CCDC175: variants seen among roughly 807,000 people sequenced by gnomAD.
The protein encoded by CCDC175 is coiled-coil domain containing 175.
A neutral mutation model predicts 114.6 loss-of-function variants in CCDC175; 100 were observed. The observed-to-expected ratio is 0.87, with a 90% CI of 0.74 to 1.03. CCDC175 has a LOEUF of 1.03. Ranked by LOEUF, CCDC175 falls within the 50% of genes least tolerant of loss-of-function variation. CCDC175 has a pLI of 0.00. For synonymous variants in CCDC175, 306 were observed against 308.7 expected, an observed-to-expected ratio of 0.99 and a Z score of 0.09; for missense variants, 880 against 917.8, an observed-to-expected ratio of 0.96 and a Z score of 0.53.
intron 19 of CCDC175, among the ~76,000 whole-genome samples, chr14:59,507,734 G>A (rs1015830211): frequency 1.3e-5 from 2 of 152,180 alleles, no homozygotes; most frequent in African/African-American, 4.8e-5. Context: ...CCTAATATGG[G>A]TCTGGTGTTT....
At chr14:59,515,558 A>G (rs1425514647) in intron 17 of CCDC175, among the ~76,000 whole-genome samples, 1 of 152,208 alleles carries the variant, frequency 6.6e-6, no homozygotes, top group Non-Finnish European at 1.5e-5. Context: ...CAAAGATCAA[A>G]AGAGACAAAG....
chr14:59,510,055 C>T (rs1892656656), intron 19 of CCDC175, among the ~76,000 whole-genome samples: 1 of 152,138 alleles, frequency 6.6e-6, no homozygotes, highest in Non-Finnish European at 1.5e-5. Flanking sequence ...CTGGGCTGTA[C>T]CTGTGCAAGG....
At position 59,572,904 on chromosome 14, in the gene CCDC175, T is replaced by A. The variant is rs1035657361; in HGVS notation, c.244-91A>T. ...AATGCCCTACAAATGTTTTCAGGGG[T>A]CAAAATATAATTTCACTAAATATCT... On this transcript the variant is annotated intron_variant, in intron 2 of 19. Transcript: ENST00000537690. 10 of 663,622 alleles carry A rather than the reference T, an allele frequency of 1.5e-5. No individual in the cohort carries two copies. The African/African-American group carries it at 1.9e-4, about 12-fold the overall frequency. 41.1% of individuals were successfully genotyped at this position (663,622 alleles called of 1,614,324 possible).
rs910218887 is a variant in CCDC175, at chr14:59,573,894, C to A, written c.243+1049G>T. 5.3e-5 allele frequency among the ~76,000 whole-genome samples: 8 copies of A among 152,244 alleles called. No homozygotes were observed. The East Asian group carries it at 1.5e-3, about 29-fold the overall frequency. On this transcript the variant is annotated intron_variant, in intron 2 of 19. Coordinates refer to ENST00000537690, the MANE Select transcript of CCDC175 (RefSeq NM_001164399.2). ...CCTCCCGGAGTGCTGGGATTACAGG[C>A]GTGAGCCACCATACCCAGCCTGATC...
intron 17 of CCDC175, among the ~76,000 whole-genome samples, chr14:59,515,258 C>T (rs9671557): frequency 0.012 from 1,902 of 152,280 alleles, 42 homozygotes; most frequent in African/African-American, 0.044. Flanking sequence ...ACTGCATCCA[C>T]TAACAAGCAA....
At chr14:59,567,319 C>G (rs1196614346) in intron 4 of CCDC175, among the ~76,000 whole-genome samples, 3 of 152,178 alleles carry the variant, frequency 2.0e-5, no homozygotes, top group African/African-American at 7.2e-5. Context: ...TGGAGCATCT[C>G]CCAGCACAGG....
chr14:59,517,636 G>A lies in CCDC175; in HGVS notation c.2098+3938C>T, dbSNP rs555303933. On this transcript the variant is annotated intron_variant, in intron 17 of 19. Coordinates refer to ENST00000537690, the MANE Select transcript of CCDC175 (RefSeq NM_001164399.2). ...AAGAGATGTGAAGGACCTCTTCAAGGAGAACTACAAACCACTGCTCAACGA... is the reference window on the plus strand; with the variant it reads ...AAGAGATGTGAAGGACCTCTTCAAGAAGAACTACAAACCACTGCTCAACGA... 2.1e-3 allele frequency among the ~76,000 whole-genome samples: 319 copies of A among 152,226 alleles called. 1 individual carries two copies. Among genetic ancestry groups the A allele is most frequent in the African/African-American group, 6.9e-3 (286 of 41,538 alleles).
chr14:59,552,536 C>T (rs954216852), intron 7 of CCDC175, among the ~76,000 whole-genome samples: 11 of 152,140 alleles, frequency 7.2e-5, no homozygotes, highest in Non-Finnish European at 1.5e-4. Flanking sequence ...AGCAGAAAAG[C>T]TGAAAATTCT....
At position 59,554,111 on chromosome 14, in the gene CCDC175, C is replaced by A. The variant is rs564918213; in HGVS notation, c.954-2675G>T. Among the ~76,000 whole-genome samples, 722 of 152,188 alleles carry A rather than the reference C, an allele frequency of 4.7e-3. 2 individuals are homozygous for A. Among genetic ancestry groups the A allele is most frequent in the African/African-American group, 0.016 (679 of 41,488 alleles). ...AATTGAACTCAGCTCTGCACCAAGCCAACCTAATAGACATCTACAGAACTC... is the reference window on the plus strand; with the variant it reads ...AATTGAACTCAGCTCTGCACCAAGCAAACCTAATAGACATCTACAGAACTC... On this transcript the variant is annotated intron_variant, in intron 7 of 19. Coordinates refer to ENST00000537690, the MANE Select transcript of CCDC175 (RefSeq NM_001164399.2).
chr14:59,519,706 A>C (rs528823337), intron 17 of CCDC175, among the ~76,000 whole-genome samples: 1 of 152,318 alleles, frequency 6.6e-6, no homozygotes, highest in East Asian at 1.9e-4. Context: ...TTTCCCTGAC[A>C]TGATGCTGAC....
chr14:59,545,149 G>C lies in CCDC175; in HGVS notation c.1172+14C>G, dbSNP rs182930556. 184 of 1,532,662 alleles carry C rather than the reference G, an allele frequency of 1.2e-4. No homozygotes were observed. In the East Asian group the frequency reaches 4.5e-3, roughly 37 times the overall value. 94.9% of individuals were successfully genotyped at this position (1,532,662 alleles called of 1,614,324 possible). A position where few individuals can be genotyped will look rare whatever the true frequency, so the allele number is the denominator to read the frequency against. On this transcript the variant is annotated intron_variant, in intron 9 of 19. Transcript: ENST00000537690. ...TGATGGCATGTTGAATCACACGTGT[G>C]GGTAAAGACATACTCATCATGAATC...
chr14:59,518,791 C>T (rs1893256998), intron 17 of CCDC175, among the ~76,000 whole-genome samples: 1 of 152,012 alleles, frequency 6.6e-6, no homozygotes, highest in Admixed American at 6.6e-5. Context: ...CTAGAAATAC[C>T]ATTTGACCCA....
chr14:59,525,382 T>A lies in CCDC175; in HGVS notation c.1895A>T (p.Asn632Ile), dbSNP rs1893682069. The change falls in exon 16 of 20, where the codon AAC (asparagine) becomes ATC (isoleucine). Residue 632 changes from asparagine (N) to isoleucine (I), a missense_variant. Asn to Ile is a moderately radical substitution (Grantham distance 149, BLOSUM62 -3). Coordinates refer to ENST00000537690, the MANE Select transcript of CCDC175 (RefSeq NM_001164399.2). Reference sequence around the variant, plus strand: ...CTTTAGAGTTTCAAAATGATCTTTGTTTTTTTTGCTTTCTTGATCTCGTAA... The same window carrying A: ...CTTTAGAGTTTCAAAATGATCTTTGATTTTTTTGCTTTCTTGATCTCGTAA... ...QQLRDQESKK[N>I]KDHFETLKNL... The A allele has an allele frequency of 6.6e-7, 1 of 1,509,468 alleles. No individual in the cohort carries two copies. 93.5% of individuals were successfully genotyped at this position (1,509,468 alleles called of 1,614,324 possible).
Position 59,540,844 on chromosome 14 carries a change from T to A in CCDC175, c.1284-98A>T, listed in dbSNP as rs1037414968. 4 of 1,015,718 alleles carry A rather than the reference T, an allele frequency of 3.9e-6. No homozygotes were observed. In the South Asian group the frequency reaches 4.7e-5, roughly 12 times the overall value. 62.9% of individuals were successfully genotyped at this position (1,015,718 alleles called of 1,614,324 possible). ...ATTTGTATGCTCAGTAAGGCTATAG[T>A]CTAATTGGGAGACAAAATAAGCCTT... is the stretch of plus-strand genomic sequence containing the variant. On this transcript the variant is annotated intron_variant, in intron 10 of 19. Transcript: ENST00000537690.
chr14:59,526,006 T>C (rs899868815), intron 15 of CCDC175, among the ~76,000 whole-genome samples: 2 of 152,174 alleles, frequency 1.3e-5, no homozygotes, highest in African/African-American at 2.4e-5. Flanking sequence ...TGTACTTTGA[T>C]ATATAAACAA....
chr14:59,528,572 C>G (rs1893881321), intron 14 of CCDC175, among the ~76,000 whole-genome samples: 1 of 152,108 alleles, frequency 6.6e-6, no homozygotes, highest in Non-Finnish European at 1.5e-5. Context: ...CACCCACAAC[C>G]TCTACATTTC....
chr14:59,525,175 C>G (rs780757871), intron 16 of CCDC175, 107 bp downstream of exon 16: 40 of 862,526 alleles, frequency 4.6e-5, no homozygotes, highest in Middle Eastern at 3.7e-4. Flanking sequence ...ACTTTATGCT[C>G]CATTAAACAT....
rs1894079868 is a variant in CCDC175, at chr14:59,531,638, A to C, written c.1762+134T>G. 5.4e-6 allele frequency: 3 copies of C among 559,444 alleles called. No individual in the cohort carries two copies. The South Asian group carries it at 1.0e-4, about 19-fold the overall frequency. The allele number at this position is 559,444 out of a possible 1,614,324, so 34.7% of individuals were successfully genotyped here. A position where few individuals can be genotyped will look rare whatever the true frequency, so the allele number is the denominator to read the frequency against. On this transcript the variant is annotated intron_variant, in intron 14 of 19. Coordinates refer to ENST00000537690, the MANE Select transcript of CCDC175 (RefSeq NM_001164399.2). Reference sequence around the variant, plus strand: ...GTAGGTGAAGCAAAAACTAGAGAACAGAGGGCTAAAGGTAATGGGGAAAGT... The same window carrying C: ...GTAGGTGAAGCAAAAACTAGAGAACCGAGGGCTAAAGGTAATGGGGAAAGT...
chr14:59,508,588 G>C (rs61985515), intron 19 of CCDC175, among the ~76,000 whole-genome samples: 1 of 92,956 alleles, frequency 1.1e-5, no homozygotes, highest in Non-Finnish European at 2.3e-5. Context: ...AAAAAAAAGA[G>C]AGAAAAGCAA....
Sources: allele counts gnomAD v4.1 joint callset (sites outside exome capture counted in the v4.1 genomes callset), GRCh38; gene constraint gnomAD v4.1.1; transcripts MANE v1.5; gene names NCBI Gene and HGNC (gene_info 2026-07-23, HGNC 2026-07-21).